The following SH3BGR variants were observed in gnomAD, a reference collection of about 807,000 sequenced individuals.
SH3BGR encodes SH3 domain binding glutamate rich protein.
Under a neutral mutation model 24.5 loss-of-function variants are expected in SH3BGR, and 29 were observed. The observed-to-expected ratio is 1.18, with a 90% CI of 0.88 to 1.61. The LOEUF is 1.61. Ranked by LOEUF, SH3BGR falls within the 40% of genes most tolerant of loss-of-function variation. The pLI, the probability that SH3BGR is intolerant of heterozygous loss-of-function variation, is 0.00. For synonymous variants in SH3BGR, 55 were observed against 65.7 expected, an observed-to-expected ratio of 0.84 and a Z score of 0.79; for missense variants, 162 against 205.8, an observed-to-expected ratio of 0.79 and a Z score of 1.30.
At chr21:39,475,342 T>C (rs2078010255) in intron 3 of SH3BGR, 127 bp downstream of exon 3, 2 of 619,054 alleles carry the variant, frequency 3.2e-6, no homozygotes, top group Non-Finnish European at 5.7e-6. Flanking sequence ...ACACTTCTTA[T>C]TCTGATGCAG....
At chr21:39,477,016 T>C (rs1010741031) in intron 3 of SH3BGR, among the ~76,000 whole-genome samples, 2 of 152,174 alleles carry the variant, frequency 1.3e-5, no homozygotes, top group Non-Finnish European at 2.9e-5. Context: ...TCTTCCTTAT[T>C]TCTTCCCTTT....
At chr21:39,495,925 T>C (rs1343524615) in intron 3 of SH3BGR, among the ~76,000 whole-genome samples, 1 of 152,150 alleles carries the variant, frequency 6.6e-6, no homozygotes, top group Non-Finnish European at 1.5e-5. Flanking sequence ...CACCTATAAA[T>C]GCCAAGAAGA....
chr21:39,484,344 A>C (rs2078176035), intron 3 of SH3BGR, among the ~76,000 whole-genome samples: 1 of 152,244 alleles, frequency 6.6e-6, no homozygotes, highest in African/African-American at 2.4e-5. Context: ...TGGGGTACCA[A>C]AGTCAATGAA....
At chr21:39,513,723 T>A (rs2078737232) in intron 6 of SH3BGR, among the ~76,000 whole-genome samples, 1 of 152,060 alleles carries the variant, frequency 6.6e-6, no homozygotes, top group Non-Finnish European at 1.5e-5. Flanking sequence ...CTTAAGATAT[T>A]CTACCTGAAG....
At chr21:39,485,013 A>G (rs1337225879) in intron 3 of SH3BGR, among the ~76,000 whole-genome samples, 1 of 152,246 alleles carries the variant, frequency 6.6e-6, no homozygotes, top group Non-Finnish European at 1.5e-5. Flanking sequence ...CATCATATGC[A>G]GCATCATTGC....
intron 2 of SH3BGR, among the ~76,000 whole-genome samples, chr21:39,468,772 T>C (rs2077886144): frequency 6.6e-6 from 1 of 152,222 alleles, no homozygotes; most frequent in South Asian, 2.1e-4. Context: ...TGTCTTCTTT[T>C]ACCTCCCTGA....
chr21:39,503,443 G>T (rs537579404), intron 4 of SH3BGR, among the ~76,000 whole-genome samples: 1 of 152,136 alleles, frequency 6.6e-6, no homozygotes, highest in East Asian at 1.9e-4. Flanking sequence ...TCATTTGTGT[G>T]TTAAAAACAA....
rs11575939 is a variant in SH3BGR at position 39,451,976 on chromosome 21, C to G, written c.-121C>G. The G allele has an allele frequency of 0.19, 307,022 of 1,613,988 alleles. 30,727 individuals carry two copies. Among genetic ancestry groups the G allele is most frequent in the Middle Eastern group, 0.29 (1,741 of 6,060 alleles). ...AGCGGGACTGCCGGAGCCCAGTGGA[C>G]CCCTGGGCTGCTGCCAGCCCCGACC... On this transcript the variant is annotated 5_prime_UTR_variant, in exon 1 of 7. Transcript: ENST00000333634.
intron 3 of SH3BGR, among the ~76,000 whole-genome samples, chr21:39,493,100 G>A (rs1405454897): frequency 2.0e-5 from 3 of 152,042 alleles, no homozygotes; most frequent in South Asian, 2.1e-4. Context: ...TCCTTTTGCC[G>A]TGCAAAAGCT....
intron 2 of SH3BGR, among the ~76,000 whole-genome samples, chr21:39,474,811 C>G (rs553193600): frequency 1.1e-4 from 17 of 152,176 alleles, no homozygotes; most frequent in African/African-American, 3.6e-4. Flanking sequence ...ATAAGTAAAC[C>G]AGCTAGTGGT....
intron 2 of SH3BGR, among the ~76,000 whole-genome samples, chr21:39,474,520 G>C (rs2077994567): frequency 6.6e-6 from 1 of 152,200 alleles, no homozygotes; most frequent in Admixed American, 6.5e-5. Context: ...AGGTGGTTTA[G>C]GGCTGGACCT....
At chr21:39,486,268 G>A (rs1032844903) in intron 3 of SH3BGR, among the ~76,000 whole-genome samples, 1 of 152,160 alleles carries the variant, frequency 6.6e-6, no homozygotes, top group African/African-American at 2.4e-5. Flanking sequence ...TATATTTGAT[G>A]AGAAAATTTG....
chr21:39,489,281 A>G (rs1375295528), intron 3 of SH3BGR, among the ~76,000 whole-genome samples: 4 of 152,234 alleles, frequency 2.6e-5, no homozygotes, highest in African/African-American at 7.2e-5. Context: ...CAGGAAAACC[A>G]GAAAGGGTGC....
chr21:39,484,618 C>T (rs1188479599), intron 3 of SH3BGR, among the ~76,000 whole-genome samples: 1 of 152,030 alleles, frequency 6.6e-6, no homozygotes, highest in Non-Finnish European at 1.5e-5. Context: ...AAGGGATGGC[C>T]ACAGGATTAT....
intron 2 of SH3BGR, among the ~76,000 whole-genome samples, chr21:39,462,979 G>T (rs530678564): frequency 6.6e-6 from 1 of 152,264 alleles, no homozygotes; most frequent in Admixed American, 6.5e-5. Flanking sequence ...TTTCTCTTGA[G>T]CTCAAGCGAT....
At chr21:39,502,466 C>T (rs544047686) in intron 4 of SH3BGR, among the ~76,000 whole-genome samples, 57 of 152,264 alleles carry the variant, frequency 3.7e-4, no homozygotes, top group African/African-American at 1.3e-3. Context: ...CTCCCCTGGG[C>T]TTCCCTCATT....
At chr21:39,503,070 T>C (rs1307239256) in intron 4 of SH3BGR, among the ~76,000 whole-genome samples, 2 of 151,972 alleles carry the variant, frequency 1.3e-5, no homozygotes, top group South Asian at 2.1e-4. Flanking sequence ...ACTTTCTTCC[T>C]TAGGGGTGGA....
intron 2 of SH3BGR, among the ~76,000 whole-genome samples, chr21:39,465,970 GGTT>G (rs2077834843): frequency 6.6e-6 from 1 of 152,108 alleles, no homozygotes; most frequent in Admixed American, 6.6e-5. Context: ...AAAACATTCA[GGTT>G]GTTTTCAGCC....
chr21:39,462,281 G>T, intron 1 of SH3BGR, 94 bp from the exon 2 acceptor site: 1 of 839,206 alleles, frequency 1.2e-6, no homozygotes, highest in South Asian at 1.7e-5. Flanking sequence ...AATTATTTGT[G>T]TTGTATAGTA....
Sources: gnomAD v4.1 joint callset for allele counts (sites outside exome capture counted in the v4.1 genomes callset) on GRCh38, gnomAD v4.1.1 for gene constraint, MANE v1.5 for transcripts, NCBI Gene and HGNC (gene_info 2026-07-23, HGNC 2026-07-21) for gene names.